Variants in EPC2 observed in about 807,000 individuals in gnomAD.
EPC2 encodes the protein enhancer of polycomb 2.
Under a neutral mutation model 92.1 loss-of-function variants are expected in EPC2, and 14 were observed. The ratio of observed to expected loss-of-function variants is 0.15; its 90% CI spans 0.10 to 0.24. EPC2 has a LOEUF of 0.24. EPC2 is among the 10% of genes least tolerant of loss of function. The pLI, the probability that EPC2 is intolerant of heterozygous loss-of-function variation, is 1.00. For synonymous variants in EPC2, 340 were observed against 334.7 expected (o/e 1.02, Z -0.17); for missense variants, 755 against 971.5 (o/e 0.78, Z 2.96).
chr2:148,707,110 G>A (rs999202646), intron 2 of EPC2, among the ~76,000 whole-genome samples: 2 of 152,110 alleles, frequency 1.3e-5, no homozygotes, highest in South Asian at 2.1e-4. Flanking sequence ...CCCATCTCAC[G>A]TGCAGAGACA....
At chr2:148,784,605 G>C in intron 12 of EPC2, 63 bp from the exon 13 acceptor site, 1 of 1,197,670 alleles carries the variant, frequency 8.3e-7, no homozygotes, top group Non-Finnish European at 1.2e-6. Flanking sequence ...ATTTTATTAA[G>C]CTTCTAAAAA....
intron 2 of EPC2, among the ~76,000 whole-genome samples, chr2:148,724,666 T>TA (rs1261453469): frequency 5.3e-5 from 8 of 152,182 alleles, no homozygotes; most frequent in Non-Finnish European, 1.2e-4. Flanking sequence ...AGTCATTTTT[T>TA]ATCTACAACC....
intron 2 of EPC2, among the ~76,000 whole-genome samples, chr2:148,740,793 T>G (rs1012808845): frequency 2.0e-5 from 3 of 152,214 alleles, no homozygotes; most frequent in Admixed American, 1.3e-4. Context: ...TCCTAAATCT[T>G]TCTCTAAAAT....
At chr2:148,735,615 C>A (rs1682734221) in intron 2 of EPC2, among the ~76,000 whole-genome samples, 1 of 151,842 alleles carries the variant, frequency 6.6e-6, no homozygotes, top group South Asian at 2.1e-4. Context: ...TATACTTATA[C>A]CTTTTCTTCC....
At chr2:148,649,866 A>T (rs1415560757) in intron 1 of EPC2, among the ~76,000 whole-genome samples, 2 of 152,190 alleles carry the variant, frequency 1.3e-5, no homozygotes, top group African/African-American at 2.4e-5. Flanking sequence ...AGAAGTTGCC[A>T]ATTTGGTTAG....
At chr2:148,696,404 A>G (rs755866771) in intron 2 of EPC2, among the ~76,000 whole-genome samples, 1 of 151,984 alleles carries the variant, frequency 6.6e-6, no homozygotes, top group Non-Finnish European at 1.5e-5. Flanking sequence ...GGCTATGTGC[A>G]TTTATTTATG....
At chr2:148,657,039 T>C (rs2105352683) in intron 1 of EPC2, among the ~76,000 whole-genome samples, 1 of 152,092 alleles carries the variant, frequency 6.6e-6, no homozygotes, top group Admixed American at 6.6e-5. Flanking sequence ...TATAGGGAAG[T>C]GTATGACACC....
intron 10 of EPC2, among the ~76,000 whole-genome samples, chr2:148,772,095 G>A (rs113348179): frequency 0.016 from 2,408 of 152,184 alleles, 72 homozygotes; most frequent in African/African-American, 0.055. Context: ...CACTGTGCCC[G>A]GCCCCTATGA....
intron 5 of EPC2, 64 bp downstream of exon 5, chr2:148,761,994 A>G: frequency 7.1e-7 from 1 of 1,406,936 alleles, no homozygotes; most frequent in Non-Finnish European, 9.5e-7. Flanking sequence ...AAAATGAACC[A>G]AAAGATTTTT....
chr2:148,708,778 T>G (rs180901523), intron 2 of EPC2, among the ~76,000 whole-genome samples: 1 of 152,332 alleles, frequency 6.6e-6, no homozygotes, highest in East Asian at 1.9e-4. Context: ...GAAAAGGCCT[T>G]TGACAAAATT....
Position 148,735,276 on chromosome 2 carries a change from G to A in EPC2, c.314-8346G>A, listed in dbSNP as rs183456784. Among the ~76,000 whole-genome samples, 73 of 152,106 alleles carry A rather than the reference G, an allele frequency of 4.8e-4. No individual in the cohort carries two copies. In the East Asian group the frequency reaches 0.014, roughly 29 times the overall value. ...TTATATTTTCACCAGTAGTGTATGAGAGTTCTTGTTGTCTCATATTTTTAT... is the reference window on the plus strand; with the variant it reads ...TTATATTTTCACCAGTAGTGTATGAAAGTTCTTGTTGTCTCATATTTTTAT... On this transcript the variant is annotated intron_variant, in intron 2 of 13. Coordinates refer to ENST00000258484, the MANE Select transcript of EPC2 (RefSeq NM_015630.4).
intron 1 of EPC2, among the ~76,000 whole-genome samples, chr2:148,667,142 A>C (rs1476670564): frequency 6.6e-6 from 1 of 152,230 alleles, no homozygotes; most frequent in Non-Finnish European, 1.5e-5. Flanking sequence ...AGATACCAGT[A>C]GGATGGGCCA....
At chr2:148,754,185 A>C (rs976843563) in intron 4 of EPC2, 52 bp downstream of exon 4, 13 of 1,357,434 alleles carry the variant, frequency 9.6e-6, no homozygotes, top group Non-Finnish European at 1.2e-5. Context: ...ATTCAAGATC[A>C]ATCTTTTTTT....
intron 1 of EPC2, among the ~76,000 whole-genome samples, chr2:148,689,405 C>G (rs1004080409): frequency 3.3e-5 from 5 of 152,114 alleles, no homozygotes; most frequent in Non-Finnish European, 7.3e-5. Flanking sequence ...GTTTCGATCT[C>G]CTGACCTTTT....
chr2:148,725,824 T>C (rs1410318651), intron 2 of EPC2, among the ~76,000 whole-genome samples: 1 of 152,122 alleles, frequency 6.6e-6, no homozygotes, highest in African/African-American at 2.4e-5. Flanking sequence ...AAAATATACA[T>C]AACATAAATT....
chr2:148,786,295 A>C lies in EPC2; in HGVS notation c.2352-10A>C. 1 of 1,606,844 alleles carries C rather than the reference A, an allele frequency of 6.2e-7. No individual in the cohort carries two copies. Among genetic ancestry groups the C allele is most frequent in the Non-Finnish European group, 8.5e-7 (1 of 1,175,126 alleles). ...TGATATTTATTTTATCCTTTGCCTT[A>C]TTACCATAGAGAGAACCACGAACCA... On this transcript the variant is annotated splice_polypyrimidine_tract_variant and intron_variant, in intron 13 of 13. Transcript: ENST00000258484.
intron 2 of EPC2, among the ~76,000 whole-genome samples, chr2:148,707,757 A>G (rs1410575124): frequency 2.0e-5 from 3 of 152,238 alleles, no homozygotes; most frequent in Non-Finnish European, 4.4e-5. Flanking sequence ...TACTGGGTAC[A>G]TAACAAAATG....
intron 2 of EPC2, among the ~76,000 whole-genome samples, chr2:148,743,278 T>A (rs997236035): frequency 1.3e-5 from 2 of 152,204 alleles, no homozygotes; most frequent in African/African-American, 2.4e-5. Flanking sequence ...TTCTTGAGCT[T>A]GTTTCTCAAT....
At chr2:148,647,193 T>TA (rs1683821652) in intron 1 of EPC2, among the ~76,000 whole-genome samples, 1 of 152,228 alleles carries the variant, frequency 6.6e-6, no homozygotes, top group African/African-American at 2.4e-5. Flanking sequence ...ATCACCAACA[T>TA]ACGTGGTCCT....
Sources: allele counts gnomAD v4.1 joint callset (sites outside exome capture counted in the v4.1 genomes callset), GRCh38; gene constraint gnomAD v4.1.1; transcripts MANE v1.5; gene names NCBI Gene and HGNC (gene_info 2026-07-23, HGNC 2026-07-21).